Variants in CACNA2D3 observed in about 807,000 individuals in gnomAD.
CACNA2D3 encodes the protein calcium voltage-gated channel auxiliary subunit alpha2delta 3, also known as voltage-dependent calcium channel subunit alpha-2/delta-3.
In CACNA2D3, 60 loss-of-function variants were observed where a neutral mutation model predicts 160.6. The observed-to-expected ratio is 0.37, with a 90% CI of 0.30 to 0.46. The LOEUF (loss-of-function observed/expected upper bound fraction) is 0.46, where lower values mean the gene tolerates loss of function less well. CACNA2D3 is among the 20% of genes least tolerant of loss of function. The pLI, the probability that CACNA2D3 is intolerant of heterozygous loss-of-function variation, is 1.00. For missense variants in CACNA2D3, 1,205 were observed against 1,365.0 expected (o/e 0.88, Z 1.85); for synonymous variants, 558 against 492.9 (o/e 1.13, Z -1.75).
chr3:54,637,376 T>G (rs988590804), intron 10 of CACNA2D3, among the ~76,000 whole-genome samples: 3 of 151,752 alleles, frequency 2.0e-5, no homozygotes, highest in Middle Eastern at 3.4e-3. Flanking sequence ...AGGAGGCTTT[T>G]GATTGGGAAG....
chr3:54,283,047 G>T (rs187973760), intron 2 of CACNA2D3, among the ~76,000 whole-genome samples: 2 of 152,212 alleles, frequency 1.3e-5, no homozygotes, highest in Admixed American at 1.3e-4. Context: ...GATCCTAAAA[G>T]GATTTTTACT....
At chr3:54,768,694 G>T (rs1434013305) in intron 13 of CACNA2D3, among the ~76,000 whole-genome samples, 1 of 152,090 alleles carries the variant, frequency 6.6e-6, no homozygotes, top group African/African-American at 2.4e-5. Flanking sequence ...AACATTTCAC[G>T]TGGCCCATTA....
chr3:54,337,044 G>C (rs1704397538), intron 3 of CACNA2D3, among the ~76,000 whole-genome samples: 1 of 152,076 alleles, frequency 6.6e-6, no homozygotes, highest in South Asian at 2.1e-4. Context: ...AATAGCTCAA[G>C]TTTCTGTATA....
chr3:54,840,714 C>G (rs1385090711), intron 16 of CACNA2D3, among the ~76,000 whole-genome samples: 7 of 137,384 alleles, frequency 5.1e-5, no homozygotes, highest in Non-Finnish European at 1.1e-4. Flanking sequence ...CTGCCAAGAG[C>G]CATGATTTTT....
intron 14 of CACNA2D3, among the ~76,000 whole-genome samples, chr3:54,822,879 A>C (rs1015611422): frequency 8.6e-5 from 12 of 139,440 alleles, no homozygotes; most frequent in Middle Eastern, 8.2e-3. Context: ...TTTGAGACAG[A>C]GATTAGCTCA....
At chr3:54,693,227 A>G (rs1047176724) in intron 11 of CACNA2D3, among the ~76,000 whole-genome samples, 5 of 152,230 alleles carry the variant, frequency 3.3e-5, no homozygotes, top group African/African-American at 1.2e-4. Context: ...GGAATAAAGG[A>G]TAATCCTTTC....
intron 17 of CACNA2D3, among the ~76,000 whole-genome samples, chr3:54,867,764 T>G (rs1026153786): frequency 1.3e-5 from 2 of 152,208 alleles, no homozygotes; most frequent in Non-Finnish European, 2.9e-5. Context: ...TCCTGGCACC[T>G]TAGCAACTCC....
At chr3:54,425,480 C>A (rs1699899448) in intron 4 of CACNA2D3, among the ~76,000 whole-genome samples, 1 of 152,220 alleles carries the variant, frequency 6.6e-6, no homozygotes, top group African/African-American at 2.4e-5. Flanking sequence ...TCTAAAGCAC[C>A]AGGCTTAAAA....
At chr3:54,373,747 C>G (rs1698964213) in intron 3 of CACNA2D3, among the ~76,000 whole-genome samples, 1 of 152,132 alleles carries the variant, frequency 6.6e-6, no homozygotes, top group African/African-American at 2.4e-5. Flanking sequence ...GGAGAGGATC[C>G]TGGAGTTGCC....
At chr3:54,124,770 C>G (rs904595636) in intron 2 of CACNA2D3, among the ~76,000 whole-genome samples, 2 of 152,208 alleles carry the variant, frequency 1.3e-5, no homozygotes, top group Non-Finnish European at 2.9e-5. Flanking sequence ...TTCATTGAAA[C>G]CTTATTCATT....
chr3:54,918,982 A>T, intron 27 of CACNA2D3: 1 of 1,040,980 alleles, frequency 9.6e-7, no homozygotes, highest in Non-Finnish European at 1.3e-6. Context: ...GGCAGATGGA[A>T]TTTATGAAGT....
chr3:55,014,663 C>T (rs575591035), intron 34 of CACNA2D3, among the ~76,000 whole-genome samples: 7 of 152,096 alleles, frequency 4.6e-5, no homozygotes, highest in East Asian at 1.9e-4. Flanking sequence ...ACCCAGGAGG[C>T]GGAGGTTGCA....
At chr3:54,459,163 G>T (rs1700453231) in intron 4 of CACNA2D3, among the ~76,000 whole-genome samples, 1 of 151,908 alleles carries the variant, frequency 6.6e-6, no homozygotes, top group Non-Finnish European at 1.5e-5. Context: ...TCTTAATCCA[G>T]TCTATCATTG....
chr3:54,174,822 G>T (rs1315736866), intron 2 of CACNA2D3, among the ~76,000 whole-genome samples: 1 of 152,206 alleles, frequency 6.6e-6, no homozygotes, highest in Non-Finnish European at 1.5e-5. Flanking sequence ...ACTGTGCCTG[G>T]CCTGAAGTTG....
rs764440009 is a variant in CACNA2D3, at chr3:54,837,162, A to G, written c.1402A>G (p.Thr468Ala). ...CTGGCTTTTCTCTTCCATCCAGCTG[A>G]CTGATGATCAGGGCCCCGTCCTGAT... ...DSTLPQAQKL[T>A]DDQGPVLMTT... The change falls in exon 15 of 38, where the codon ACT (threonine) becomes GCT (alanine). Residue 468 changes from threonine to alanine, a missense_variant. By Grantham distance (58) the Thr-to-Ala change is moderately conservative. Transcript: ENST00000474759. The G allele has an allele frequency of 1.2e-5, 19 of 1,613,714 alleles. No homozygotes were observed. In the Admixed American group the frequency reaches 3.0e-4, roughly 25 times the overall value.
chr3:54,821,799 C>T (rs1458808558), intron 14 of CACNA2D3, among the ~76,000 whole-genome samples: 1 of 151,362 alleles, frequency 6.6e-6, no homozygotes, highest in Non-Finnish European at 1.5e-5. Flanking sequence ...TGGCCTAGCT[C>T]TTATCTCAGG....
intron 11 of CACNA2D3, among the ~76,000 whole-genome samples, chr3:54,736,074 CATAT>C (rs1220937402): frequency 3.4e-5 from 1 of 29,516 alleles, no homozygotes. Flanking sequence ...TATATATATA[CATAT>C]ATATGTATGT....
intron 11 of CACNA2D3, among the ~76,000 whole-genome samples, chr3:54,665,964 G>A (rs1700062860): frequency 6.6e-6 from 1 of 152,036 alleles, no homozygotes; most frequent in Non-Finnish European, 1.5e-5. Context: ...ACCATGCCCA[G>A]CTAATTTTTT....
intron 2 of CACNA2D3, among the ~76,000 whole-genome samples, chr3:54,165,736 T>G (rs924513855): frequency 2.0e-5 from 3 of 152,086 alleles, no homozygotes; most frequent in Non-Finnish European, 4.4e-5. Flanking sequence ...TGTTTGAGGC[T>G]GCAGTGAGCC....
Sources: gnomAD v4.1 joint callset for allele counts (sites outside exome capture counted in the v4.1 genomes callset) on GRCh38, gnomAD v4.1.1 for gene constraint, MANE v1.5 for transcripts, NCBI Gene and HGNC (gene_info 2026-07-23, HGNC 2026-07-21) for gene names.